EYS: variants seen among roughly 807,000 people sequenced by gnomAD.
The protein encoded by EYS is EGF-like photoreceptor maintenance factor.
A neutral mutation model predicts 282.1 loss-of-function variants in EYS; 250 were observed. The observed-to-expected ratio is 0.89, with a 90% CI of 0.80 to 0.98. The LOEUF (loss-of-function observed/expected upper bound fraction) is 0.98. EYS is among the 50% of genes least tolerant of loss of function. The pLI is 0.00. For synonymous variants in EYS, 1,355 were observed against 1,282.9 expected (o/e 1.06, Z -1.20); for missense variants, 4,016 against 3,709.0 (o/e 1.08, Z -2.15).
At chr6:65,664,751 A>G (rs1331057528) in intron 1 of EYS, among the ~76,000 whole-genome samples, 1 of 152,200 alleles carries the variant, frequency 6.6e-6, no homozygotes, top group Non-Finnish European at 1.5e-5. Flanking sequence ...TATTTCTTTC[A>G]GAGGGAGTAA....
chr6:65,312,126 G>C (rs1769176966), intron 11 of EYS, among the ~76,000 whole-genome samples: 1 of 135,928 alleles, frequency 7.4e-6, no homozygotes, highest in South Asian at 2.4e-4. Context: ...TGTTGCATCT[G>C]TTAAGGTGGT....
rs184181378 is a variant in EYS, at chr6:64,025,417, T to C, written c.6726-26234A>G. On this transcript the variant is annotated intron_variant, in intron 33 of 42. Transcript: ENST00000503581. ...AAGCAAGACTCACCCATCTATCCTATCTATCCTGACCCTTGCCCCTTGGGT... is the reference window on the plus strand; with the variant it reads ...AAGCAAGACTCACCCATCTATCCTACCTATCCTGACCCTTGCCCCTTGGGT... Among the ~76,000 whole-genome samples the C allele has an allele frequency of 2.4e-3, 361 of 152,264 alleles. 3 individuals are homozygous for C. Among genetic ancestry groups the C allele is most frequent in the Admixed American group, 6.7e-3 (102 of 15,292 alleles).
chr6:64,711,506 C>G (rs984119544), intron 22 of EYS, among the ~76,000 whole-genome samples: 35 of 152,180 alleles, frequency 2.3e-4, no homozygotes, highest in African/African-American at 7.7e-4. Context: ...TCAAATTACT[C>G]TGCTATGACC....
At chr6:65,138,419 A>G (rs1253666385) in intron 12 of EYS, among the ~76,000 whole-genome samples, 1 of 152,092 alleles carries the variant, frequency 6.6e-6, no homozygotes, top group East Asian at 1.9e-4. Context: ...AGTAAAAATA[A>G]GAATTATTAA....
intron 35 of EYS, among the ~76,000 whole-genome samples, chr6:63,912,908 A>G (rs1246675443): frequency 6.6e-6 from 1 of 152,062 alleles, no homozygotes; most frequent in Non-Finnish European, 1.5e-5. Context: ...AGCCAATTAG[A>G]CAAACCTCTT....
intron 12 of EYS, among the ~76,000 whole-genome samples, chr6:65,243,172 G>T (rs1438549363): frequency 1.3e-5 from 2 of 151,902 alleles, no homozygotes; most frequent in African/African-American, 4.8e-5. Context: ...TTGTTTTTTT[G>T]TGTGTTTATC....
chr6:65,109,829 A>G (rs142179480), intron 12 of EYS, among the ~76,000 whole-genome samples: 383 of 152,040 alleles, frequency 2.5e-3, no homozygotes, highest in African/African-American at 8.4e-3. Flanking sequence ...ACTTCTATTC[A>G]CCCTCTCGTA....
At chr6:65,374,891 T>G (rs1765302652) in intron 8 of EYS, among the ~76,000 whole-genome samples, 1 of 152,104 alleles carries the variant, frequency 6.6e-6, no homozygotes. Context: ...GTCAGGGGAT[T>G]ATAAATAAAA....
chr6:64,616,371 C>T (rs1446087037), intron 24 of EYS, among the ~76,000 whole-genome samples: 1 of 152,016 alleles, frequency 6.6e-6, no homozygotes, highest in Non-Finnish European at 1.5e-5. Context: ...AATCTTTTTC[C>T]TAGGGCAAAT....
intron 31 of EYS, among the ~76,000 whole-genome samples, chr6:64,194,084 G>T (rs1765204561): frequency 6.6e-6 from 1 of 152,022 alleles, no homozygotes; most frequent in Non-Finnish European, 1.5e-5. Flanking sequence ...ACGTAAGCCA[G>T]GATAGTCTCG....
chr6:65,089,235 C>T lies in EYS; in HGVS notation c.2024-31508G>A, dbSNP rs144883107. On this transcript the variant is annotated intron_variant, in intron 12 of 42. Coordinates refer to ENST00000503581, the MANE Select transcript of EYS (RefSeq NM_001142800.2). Reference sequence around the variant, plus strand: ...CCAGACCCCAGAATGGTAGATCCACCTATGACTAGCACCTTACACTTGAAA... The same window carrying T: ...CCAGACCCCAGAATGGTAGATCCACTTATGACTAGCACCTTACACTTGAAA... 2.5e-3 allele frequency among the ~76,000 whole-genome samples: 374 copies of T among 152,198 alleles called. 1 individual carries two copies. Among genetic ancestry groups the T allele is most frequent in the Middle Eastern group, 0.014 (4 of 294 alleles).
chr6:63,754,042 T>C (rs1428221816), intron 41 of EYS, among the ~76,000 whole-genome samples: 1 of 152,212 alleles, frequency 6.6e-6, no homozygotes, highest in Non-Finnish European at 1.5e-5. Context: ...GATCTGGCAA[T>C]TAAAGCATTC....
chr6:65,588,830 G>C (rs1208339654), intron 2 of EYS, among the ~76,000 whole-genome samples: 1 of 151,990 alleles, frequency 6.6e-6, no homozygotes, highest in Non-Finnish European at 1.5e-5. Context: ...GTTCAAGAGG[G>C]ATCATATATA....
At chr6:64,185,867 T>C (rs1038832880) in intron 31 of EYS, among the ~76,000 whole-genome samples, 2 of 152,120 alleles carry the variant, frequency 1.3e-5, no homozygotes, top group African/African-American at 4.8e-5. Context: ...ATCCTTACTA[T>C]ATGTGGAAAG....
rs138527023 is a variant in EYS at position 65,261,122 on chromosome 6, G to T, written c.2023+34741C>A. Among the ~76,000 whole-genome samples the T allele has an allele frequency of 9.9e-5, 15 of 152,122 alleles. No individual in the cohort carries two copies. In the East Asian group the frequency reaches 2.7e-3, roughly 27 times the overall value. ...AGAATGCATTACGAACATTTTAAGA[G>T]CAGAGAATGTTATCTATGTCACTCA... On this transcript the variant is annotated intron_variant, in intron 12 of 42. Transcript: ENST00000503581.
intron 32 of EYS, 104 bp downstream of exon 32, chr6:64,081,752 G>T: frequency 2.0e-6 from 2 of 1,013,432 alleles, no homozygotes; most frequent in Non-Finnish European, 2.8e-6. Flanking sequence ...GCACTGGTCT[G>T]GAAAAATTCT....
At chr6:63,740,612 G>A (rs1386394511) in intron 41 of EYS, among the ~76,000 whole-genome samples, 1 of 152,190 alleles carries the variant, frequency 6.6e-6, no homozygotes, top group African/African-American at 2.4e-5. Context: ...AAAAATGTCA[G>A]TGTCTCATGT....
chr6:65,641,564 T>G (rs1393124263), intron 1 of EYS, among the ~76,000 whole-genome samples: 1 of 152,192 alleles, frequency 6.6e-6, no homozygotes, highest in Non-Finnish European at 1.5e-5. Context: ...TTGTCTAAAG[T>G]TTTAGTGCTA....
Position 64,510,572 on chromosome 6 carries a change from T to C in EYS, c.5645-71220A>G, listed in dbSNP as rs565739342. 2.4e-4 allele frequency among the ~76,000 whole-genome samples: 37 copies of C among 152,264 alleles called. 1 individual carries two copies. In the South Asian group the frequency reaches 6.8e-3, roughly 28 times the overall value. The stretch of plus-strand genomic sequence containing the variant: ...ATCTCTAAAAAATCAAAAATACCTC[T>C]GTATAAAACGTGATTTAAAGGTTGA... On this transcript the variant is annotated intron_variant, in intron 26 of 42. Coordinates refer to ENST00000503581, the MANE Select transcript of EYS (RefSeq NM_001142800.2).
Sources: gnomAD v4.1 joint callset for allele counts (sites outside exome capture counted in the v4.1 genomes callset) on GRCh38, gnomAD v4.1.1 for gene constraint, MANE v1.5 for transcripts, NCBI Gene and HGNC (gene_info 2026-07-23, HGNC 2026-07-21) for gene names.